The following FIP1L1 variants were observed in gnomAD, a reference collection of about 807,000 sequenced individuals.
The protein encoded by FIP1L1 is pre-mRNA 3'-end-processing factor FIP1.
Under a neutral mutation model 84.6 loss-of-function variants are expected in FIP1L1, and 21 were observed. That is an observed-to-expected ratio of 0.25 (90% CI 0.18 to 0.36). FIP1L1 has a LOEUF of 0.36. Among genes scored for constraint, FIP1L1 ranks in the 10% least tolerant of loss-of-function variants. The probability of loss-of-function intolerance (pLI) is 1.00; values close to 1 mark genes in which losing one functional copy is unlikely to be tolerated. For synonymous variants in FIP1L1, 263 were observed against 242.3 expected (o/e 1.09, Z -0.80); for missense variants, 526 against 751.1 (o/e 0.70, Z 3.50).
intron 7 of FIP1L1, 111 bp downstream of exon 7, chr4:53,390,739 C>CTTCA (rs1743826971): frequency 1.4e-5 from 10 of 713,354 alleles, no homozygotes; most frequent in Non-Finnish European, 1.8e-5. Context: ...TTTTAATTGT[C>CTTCA]TTAAGCAAAT....
chr4:53,422,456 T>C (rs1212108733), intron 11 of FIP1L1, among the ~76,000 whole-genome samples: 2 of 152,006 alleles, frequency 1.3e-5, no homozygotes, highest in Non-Finnish European at 2.9e-5. Context: ...TTCTGTTTAT[T>C]CTCATTTGTA....
chr4:53,396,344 G>T (rs1359984471), intron 9 of FIP1L1, among the ~76,000 whole-genome samples: 1 of 152,128 alleles, frequency 6.6e-6, no homozygotes, highest in Non-Finnish European at 1.5e-5. Context: ...ACAATTACAT[G>T]GTGAGAAAAA....
intron 9 of FIP1L1, among the ~76,000 whole-genome samples, chr4:53,395,507 A>G (rs1746739841): frequency 6.6e-6 from 1 of 152,208 alleles, no homozygotes; most frequent in African/African-American, 2.4e-5. Context: ...CATAATAGAC[A>G]TGGAGCCTAT....
intron 13 of FIP1L1, among the ~76,000 whole-genome samples, chr4:53,433,621 G>C (rs938152318): frequency 3.9e-5 from 6 of 151,916 alleles, no homozygotes; most frequent in African/African-American, 1.5e-4. Context: ...CTAGTTCTGT[G>C]GGTCTTGGGA....
intron 11 of FIP1L1, among the ~76,000 whole-genome samples, chr4:53,422,103 G>T: frequency 6.6e-6 from 1 of 152,024 alleles, no homozygotes; most frequent in East Asian, 1.9e-4. Context: ...ATTTTTTTTG[G>T]TAGGAATTTT....
intron 13 of FIP1L1, among the ~76,000 whole-genome samples, chr4:53,436,481 G>T: frequency 6.6e-6 from 1 of 152,108 alleles, no homozygotes; most frequent in African/African-American, 2.4e-5. Flanking sequence ...CAACAGAGAG[G>T]GTGCCAGTGA....
intron 15 of FIP1L1, among the ~76,000 whole-genome samples, chr4:53,445,975 T>C (rs1357963519): frequency 6.6e-6 from 1 of 152,130 alleles, no homozygotes; most frequent in East Asian, 1.9e-4. Flanking sequence ...AAGATGGAGA[T>C]GAAGAAAATT....
intron 5 of FIP1L1, among the ~76,000 whole-genome samples, chr4:53,389,131 CTG>C (rs1179216054): frequency 6.6e-6 from 1 of 152,224 alleles, no homozygotes; most frequent in Non-Finnish European, 1.5e-5. Context: ...CCGGCAAACA[CTG>C]TTCTGCTTTC....
chr4:53,414,908 C>T (rs7686876), intron 11 of FIP1L1, among the ~76,000 whole-genome samples, 186 bp downstream of exon 11: 84,434 of 151,860 alleles, frequency 0.56, 25,305 homozygotes, highest in Non-Finnish European at 0.67. Context: ...GTCTTGCTAC[C>T]CATCTTTCTG....
chr4:53,409,532 CAG>C (rs1755903225), intron 10 of FIP1L1, among the ~76,000 whole-genome samples: 1 of 152,214 alleles, frequency 6.6e-6, no homozygotes, highest in African/African-American at 2.4e-5. Context: ...TCAAAGCAGA[CAG>C]GGACATTTAA....
intron 15 of FIP1L1, among the ~76,000 whole-genome samples, chr4:53,448,514 G>A (rs1182068454): frequency 2.6e-5 from 4 of 152,026 alleles, no homozygotes; most frequent in African/African-American, 9.7e-5. Flanking sequence ...ACTACATAAT[G>A]CTCTTTGAAG....
chr4:53,427,438 T>C (rs1423863742), intron 12 of FIP1L1, among the ~76,000 whole-genome samples: 13 of 152,222 alleles, frequency 8.5e-5, no homozygotes, highest in Non-Finnish European at 1.9e-4. Flanking sequence ...CAAACATTGC[T>C]TTATTTTTCA....
chr4:53,388,364 G>A (rs1410565192), intron 5 of FIP1L1, among the ~76,000 whole-genome samples: 2 of 150,152 alleles, frequency 1.3e-5, no homozygotes, highest in African/African-American at 2.5e-5. Context: ...TTTTGAGATA[G>A]AGTCTCGCTC....
chr4:53,458,010 C>T (rs1720262665), intron 16 of FIP1L1, among the ~76,000 whole-genome samples: 1 of 152,104 alleles, frequency 6.6e-6, no homozygotes, highest in Non-Finnish European at 1.5e-5. Context: ...CATGTAGCCC[C>T]CCTGCCCACA....
chr4:53,409,152 G>T lies in FIP1L1; in HGVS notation c.816-5463G>T, dbSNP rs187158072. Among the ~76,000 whole-genome samples the T allele has an allele frequency of 8.0e-3, 1,214 of 152,232 alleles. 16 individuals are homozygous for T. Among genetic ancestry groups the T allele is most frequent in the African/African-American group, 0.028 (1,147 of 41,528 alleles). ...TATCTACTTTTGGTCTTTGATGATG[G>T]TGATGTACAGATGGGTTTTTGGTGT... On this transcript the variant is annotated intron_variant, in intron 10 of 17. Transcript: ENST00000337488.
chr4:53,443,349 T>C (rs1245921080), intron 14 of FIP1L1, among the ~76,000 whole-genome samples: 1 of 140,060 alleles, frequency 7.1e-6, no homozygotes, highest in Admixed American at 7.6e-5. Flanking sequence ...TTGATAGAAT[T>C]GTGAAGATTT....
At position 53,391,139 on chromosome 4, in the gene FIP1L1, G is replaced by A. The variant is rs758094786; in HGVS notation, c.636G>A (p.Thr212=). 4 of 1,595,880 alleles carry A rather than the reference G, an allele frequency of 2.5e-6. No individual in the cohort carries two copies. Among genetic ancestry groups the A allele is most frequent in the South Asian group, 1.1e-5 (1 of 87,100 alleles). ...TAACCTCTACTACAAATAAAATTAC[G>A]GTAATTAATAAATACTCCGGAATAC... ...IPVTSTTNKI[T]AEDCTMEVTP... The change falls in exon 8 of 18, where the codon ACG becomes ACA. Residue 212 remains threonine, a splice_region_variant and synonymous_variant. Coordinates refer to ENST00000337488, the MANE Select transcript of FIP1L1 (RefSeq NM_030917.4).
At chr4:53,425,683 TTAA>T (rs1472125737) in intron 11 of FIP1L1, among the ~76,000 whole-genome samples, 186 bp from the exon 12 acceptor site, 2 of 152,184 alleles carry the variant, frequency 1.3e-5, no homozygotes, top group Non-Finnish European at 2.9e-5. Context: ...AGCTTGTTTA[TTAA>T]TAAAAATTTT....
intron 15 of FIP1L1, among the ~76,000 whole-genome samples, chr4:53,445,171 A>C (rs1773661789): frequency 6.6e-6 from 1 of 152,112 alleles, no homozygotes; most frequent in South Asian, 2.1e-4. Context: ...TTTGGACCTT[A>C]TTCAGAGGGC....
Sources: gnomAD v4.1 joint callset for allele counts (sites outside exome capture counted in the v4.1 genomes callset) on GRCh38, gnomAD v4.1.1 for gene constraint, MANE v1.5 for transcripts, NCBI Gene and HGNC (gene_info 2026-07-23, HGNC 2026-07-21) for gene names.